The following SENP6 variants were observed in gnomAD, a reference collection of about 807,000 sequenced individuals.
SENP6 encodes the protein SUMO specific peptidase 6.
In SENP6, 41 loss-of-function variants were observed where a neutral mutation model predicts 134.5. The observed-to-expected ratio is 0.30, with a 90% CI of 0.24 to 0.40. The LOEUF is 0.40. SENP6 is among the 10% of genes least tolerant of loss of function. SENP6 has a pLI of 1.00. For missense variants in SENP6, 1,248 were observed against 1,312.5 expected, an observed-to-expected ratio of 0.95 and a Z score of 0.76; for synonymous variants, 395 against 429.8, an observed-to-expected ratio of 0.92 and a Z score of 1.00.
At chr6:75,643,287 T>A (rs970055463) in intron 6 of SENP6, among the ~76,000 whole-genome samples, 1 of 152,226 alleles carries the variant, frequency 6.6e-6, no homozygotes, top group African/African-American at 2.4e-5. Context: ...GCTGATTTGA[T>A]TAAACCCAGC....
intron 10 of SENP6, among the ~76,000 whole-genome samples, chr6:75,667,614 TC>T (rs1772346804): frequency 6.6e-6 from 1 of 152,164 alleles, no homozygotes; most frequent in African/African-American, 2.4e-5. Context: ...AAGGACACTT[TC>T]CCAATTTGCT....
At chr6:75,604,674 A>T (rs1256362938) in intron 1 of SENP6, among the ~76,000 whole-genome samples, 1 of 151,950 alleles carries the variant, frequency 6.6e-6, no homozygotes, top group Non-Finnish European at 1.5e-5. Flanking sequence ...CCTCATAACC[A>T]ATTTTCATAT....
At chr6:75,631,206 C>G (rs10485375) in intron 3 of SENP6, among the ~76,000 whole-genome samples, 43,282 of 151,916 alleles carry the variant, frequency 0.28, 6,765 homozygotes, top group Middle Eastern at 0.37. Context: ...CTATTAGGTT[C>G]TCTTATTATC....
chr6:75,666,080 A>G (rs933086816), intron 9 of SENP6, among the ~76,000 whole-genome samples: 3 of 118,398 alleles, frequency 2.5e-5, no homozygotes, highest in African/African-American at 5.9e-5. Flanking sequence ...TATGATATAT[A>G]TAAAACGTAT....
chr6:75,718,155 T>A lies in SENP6; in HGVS notation c.*2561T>A, dbSNP rs878977995. The A allele has an allele frequency of 6.6e-6, 1 of 152,174 alleles. No homozygotes were observed. The highest frequency in any genetic ancestry group is 1.5e-5 in the Non-Finnish European group (1 of 68,012). 9.4% of individuals were successfully genotyped at this position (152,174 alleles called of 1,614,324 possible). On this transcript the variant is annotated 3_prime_UTR_variant, in exon 24 of 24. Coordinates refer to ENST00000447266, the MANE Select transcript of SENP6 (RefSeq NM_015571.4). ...ATGCAGTAATTTTTCTTTAAAAAAA[T>A]GATCTCTGAAAACTGTGAGACAATG...
chr6:75,649,517 T>TTTG (rs886416463), intron 7 of SENP6, among the ~76,000 whole-genome samples: 1 of 152,094 alleles, frequency 6.6e-6, no homozygotes, highest in Non-Finnish European at 1.5e-5. Flanking sequence ...TGTTTGTTTG[T>TTTG]TTGTTGTTGT....
intron 9 of SENP6, among the ~76,000 whole-genome samples, chr6:75,666,507 G>A (rs1772257131): frequency 6.6e-6 from 1 of 151,184 alleles, no homozygotes; most frequent in African/African-American, 2.4e-5. Context: ...AAGTCTTAAT[G>A]CTTTCTTCAG....
chr6:75,711,466 CATA>C, intron 21 of SENP6, 50 bp downstream of exon 21: 1 of 1,200,382 alleles, frequency 8.3e-7, no homozygotes, highest in Non-Finnish European at 1.2e-6. Flanking sequence ...TAAGTATGCT[CATA>C]AAACATAACA....
At chr6:75,609,138 A>G (rs1020223113) in intron 1 of SENP6, among the ~76,000 whole-genome samples, 1 of 152,166 alleles carries the variant, frequency 6.6e-6, no homozygotes, top group South Asian at 2.1e-4. Context: ...GGGAAGTCAG[A>G]CTGTAGCCTG....
chr6:75,628,108 A>G (rs879304506), intron 3 of SENP6, among the ~76,000 whole-genome samples: 2 of 152,238 alleles, frequency 1.3e-5, no homozygotes, highest in Admixed American at 1.3e-4. Flanking sequence ...TTATTCTGAT[A>G]TGATAGTATC....
At chr6:75,661,801 C>T (rs752333117) in intron 8 of SENP6, among the ~76,000 whole-genome samples, 73 of 152,244 alleles carry the variant, frequency 4.8e-4, no homozygotes, top group Middle Eastern at 3.4e-3. Context: ...GTAATCCCAG[C>T]ACTTTGGCAG....
chr6:75,612,970 C>T lies in SENP6; in HGVS notation c.53-8562C>T, dbSNP rs1271172824. 3.9e-5 allele frequency among the ~76,000 whole-genome samples: 6 copies of T among 152,024 alleles called. 1 individual carries two copies. Among genetic ancestry groups the T allele is most frequent in the Admixed American group, 1.3e-4 (2 of 15,262 alleles). ...CACTACTAAAAATACAAAAATCAGCCGGGCATCGTGGCATATGCCTGTAAT... is the reference window on the plus strand; with the variant it reads ...CACTACTAAAAATACAAAAATCAGCTGGGCATCGTGGCATATGCCTGTAAT... On this transcript the variant is annotated intron_variant, in intron 1 of 23. Transcript: ENST00000447266.
At chr6:75,702,067 GAAA>G (rs1775072323) in intron 18 of SENP6, among the ~76,000 whole-genome samples, 1 of 73,756 alleles carries the variant, frequency 1.4e-5, no homozygotes. Flanking sequence ...CCAAAAACAA[GAAA>G]GCGTTCAGGG....
At chr6:75,649,808 C>T (rs545343991) in intron 7 of SENP6, among the ~76,000 whole-genome samples, 1 of 152,320 alleles carries the variant, frequency 6.6e-6, no homozygotes, top group Non-Finnish European at 1.5e-5. Context: ...AGCCACCGCG[C>T]CTGGCCCTTA....
chr6:75,703,444 A>G (rs183035703), intron 19 of SENP6, among the ~76,000 whole-genome samples: 49 of 152,282 alleles, frequency 3.2e-4, no homozygotes, highest in Admixed American at 2.6e-4. Context: ...ACATAGAGTC[A>G]TGTAATCACT....
Position 75,716,025 on chromosome 6 carries a change from A to G in SENP6, c.*431A>G, listed in dbSNP as rs1356806589. ...TTTGACCCTTTATATTTGTTCTAAA[A>G]TAAGTCAAAATGTGAAAATAATATT... On this transcript the variant is annotated 3_prime_UTR_variant, in exon 24 of 24. Coordinates refer to ENST00000447266, the MANE Select transcript of SENP6 (RefSeq NM_015571.4). The G allele has an allele frequency of 6.5e-6, 1 of 152,878 alleles. No individual in the cohort carries two copies. The highest frequency in any genetic ancestry group is 1.5e-5 in the Non-Finnish European group (1 of 68,290). The allele number at this position is 152,878 out of a possible 1,614,324, so 9.5% of individuals were successfully genotyped here. A position where few individuals can be genotyped will look rare whatever the true frequency, so the allele number is the denominator to read the frequency against.
Position 75,659,371 on chromosome 6 carries a change from A to G in SENP6, c.660A>G (p.Leu220=), listed in dbSNP as rs202089228. 4.1e-4 allele frequency: 660 copies of G among 1,610,512 alleles called. 4 individuals carry two copies. The South Asian group carries it at 4.9e-3, about 12-fold the overall frequency. ...GTACCTATCAGCCTACTCCTCCTCTATCTCCTGCTTCAAAAAAATGTTTAA... is the reference window on the plus strand; with the variant it reads ...GTACCTATCAGCCTACTCCTCCTCTGTCTCCTGCTTCAAAAAAATGTTTAA... ...HCSTYQPTPP[L]SPASKKCLTH... The change falls in exon 8 of 24, where the codon CTA becomes CTG. Residue 220 remains leucine, a synonymous_variant. Transcript: ENST00000447266.
chr6:75,668,572 A>C (rs1260736315), intron 10 of SENP6, among the ~76,000 whole-genome samples: 1 of 152,238 alleles, frequency 6.6e-6, no homozygotes, highest in East Asian at 1.9e-4. Context: ...AAAATTTAAA[A>C]CTATGATATT....
chr6:75,666,058 A>G (rs1772180506), intron 9 of SENP6, among the ~76,000 whole-genome samples: 1 of 141,326 alleles, frequency 7.1e-6, no homozygotes, highest in Non-Finnish European at 1.5e-5. Context: ...TATATGATAT[A>G]TAAAACGTAT....
Sources: gnomAD v4.1 joint callset for allele counts (sites outside exome capture counted in the v4.1 genomes callset) on GRCh38, gnomAD v4.1.1 for gene constraint, MANE v1.5 for transcripts, NCBI Gene and HGNC (gene_info 2026-07-23, HGNC 2026-07-21) for gene names.